XPNPEP1: variants seen among roughly 807,000 people sequenced by gnomAD.
XPNPEP1 encodes xaa-Pro aminopeptidase 1.
Under a neutral mutation model 92.4 loss-of-function variants are expected in XPNPEP1, and 39 were observed. The ratio of observed to expected loss-of-function variants is 0.42; its 90% confidence interval spans 0.33 to 0.55. The LOEUF (loss-of-function observed/expected upper bound fraction) is 0.55. XPNPEP1 is among the 20% of genes least tolerant of loss of function. The pLI, the probability that XPNPEP1 is intolerant of heterozygous loss-of-function variation, is 0.08. For missense variants in XPNPEP1, 654 were observed against 856.1 expected, an observed-to-expected ratio of 0.76 and a Z score of 2.95; for synonymous variants, 307 against 299.4, an observed-to-expected ratio of 1.03 and a Z score of -0.26.
intron 19 of XPNPEP1, 55 bp from the exon 20 acceptor site, chr10:109,868,767 AC>A: frequency 6.6e-7 from 1 of 1,520,454 alleles, no homozygotes; most frequent in Non-Finnish European, 9.1e-7. Flanking sequence ...ATGCTGAAGC[AC>A]CATGAGGTCA....
intron 17 of XPNPEP1, 131 bp downstream of exon 17, chr10:109,871,661 C>A: frequency 2.0e-6 from 2 of 1,021,046 alleles, no homozygotes; most frequent in South Asian, 3.1e-5. Context: ...ACCCCATGAG[C>A]ACCTGGCTGG....
At chr10:109,920,015 A>G (rs1850447647) in intron 1 of XPNPEP1, among the ~76,000 whole-genome samples, 2 of 152,070 alleles carry the variant, frequency 1.3e-5, no homozygotes, top group African/African-American at 4.8e-5. Flanking sequence ...CTGGCAACAG[A>G]GCAAGACTCC....
At position 109,865,232 on chromosome 10, in the gene XPNPEP1, A is replaced by G; in HGVS notation, c.1953T>C (p.Ala651=). 1 of 1,614,070 alleles carries G rather than the reference A, an allele frequency of 6.2e-7. No individual in the cohort carries two copies. Among genetic ancestry groups the G allele is most frequent in the South Asian group, 1.1e-5 (1 of 91,074 alleles). ...KELQKQGRQE[A]LEWLIRETQP... Reference sequence around the variant, plus strand: ...GCGTCTCTCTGATGAGCCACTCGAGAGCTTCCTGGCGGCCCTGTTTCTGCA... The same window carrying G: ...GCGTCTCTCTGATGAGCCACTCGAGGGCTTCCTGGCGGCCCTGTTTCTGCA... The change falls in exon 21 of 21, where the codon GCT becomes GCC. Residue 651 remains alanine (A), a synonymous_variant. Coordinates refer to ENST00000502935, the MANE Select transcript of XPNPEP1 (RefSeq NM_020383.4).
intron 15 of XPNPEP1, among the ~76,000 whole-genome samples, chr10:109,875,186 C>T (rs1847711911): frequency 2.0e-5 from 3 of 152,192 alleles, no homozygotes; most frequent in Admixed American, 2.0e-4. Flanking sequence ...GGCCCTGGGG[C>T]AGCTGAGAGT....
intron 19 of XPNPEP1, among the ~76,000 whole-genome samples, chr10:109,869,444 A>C (rs1735055791): frequency 6.6e-6 from 1 of 152,150 alleles, no homozygotes; most frequent in Admixed American, 6.5e-5. Context: ...TTTGAGGCTG[A>C]CCCATGGATA....
At chr10:109,881,487 G>A (rs1469952051) in intron 10 of XPNPEP1, among the ~76,000 whole-genome samples, 3 of 152,200 alleles carry the variant, frequency 2.0e-5, no homozygotes, top group African/African-American at 7.2e-5. Flanking sequence ...CAGCACACCT[G>A]GCACTTGCAC....
chr10:109,903,721 G>C (rs1849407437), intron 3 of XPNPEP1, among the ~76,000 whole-genome samples: 1 of 152,136 alleles, frequency 6.6e-6, no homozygotes, highest in Non-Finnish European at 1.5e-5. Context: ...AAATGGGGGA[G>C]TGCCCAGCTC....
At position 109,870,915 on chromosome 10, in the gene XPNPEP1, T is replaced by G. The variant is rs367990951; in HGVS notation, c.1523-11A>C. On this transcript the variant is annotated splice_polypyrimidine_tract_variant and intron_variant, in intron 17 of 20. Coordinates refer to ENST00000502935, the MANE Select transcript of XPNPEP1 (RefSeq NM_020383.4). ...AGTCAAGAAGGTGACCTGAAAGACA[T>G]AAAGAGCCACTTAATTGTATTTGTA... The G allele has an allele frequency of 6.2e-7, 1 of 1,611,866 alleles. No individual in the cohort carries two copies. Among genetic ancestry groups the G allele is most frequent in the South Asian group, 1.1e-5 (1 of 90,746 alleles).
chr10:109,883,673 AC>A (rs1848232552), intron 9 of XPNPEP1: 1 of 168,292 alleles, frequency 5.9e-6, no homozygotes. Flanking sequence ...GAAAAAATAA[AC>A]TGACAATTCA....
At chr10:109,918,190 G>A (rs1336943977) in intron 1 of XPNPEP1, among the ~76,000 whole-genome samples, 1 of 151,982 alleles carries the variant, frequency 6.6e-6, no homozygotes, top group African/African-American at 2.4e-5. Context: ...GGGAGGCCAA[G>A]GCAGGCAGAC....
At chr10:109,913,653 C>G (rs547017814) in intron 2 of XPNPEP1, among the ~76,000 whole-genome samples, 1 of 152,142 alleles carries the variant, frequency 6.6e-6, no homozygotes, top group Admixed American at 6.5e-5. Context: ...CATCAGGAAC[C>G]GGGACTCAAG....
chr10:109,893,857 T>C (rs1438719298), intron 3 of XPNPEP1, among the ~76,000 whole-genome samples: 2 of 152,200 alleles, frequency 1.3e-5, no homozygotes, highest in East Asian at 3.8e-4. Flanking sequence ...GATTTGAACC[T>C]AAGCAGTCAA....
chr10:109,912,684 C>T (rs1437347798), intron 2 of XPNPEP1, among the ~76,000 whole-genome samples: 1 of 152,152 alleles, frequency 6.6e-6, no homozygotes. Context: ...AGAAACAGTA[C>T]CTGGCACATA....
rs762338905 is a variant in XPNPEP1, at chr10:109,915,055, T to C, written c.77A>G (p.Glu26Gly). The part of the protein sequence containing the change: ...DFQLRNLRII[E>G]PNEVTHSGDT... ...TCCTGAGTGTGTCACCTCGTTAGGT[T>C]CAATTATTCTTAAATTTCTCAGTTG... The change falls in exon 2 of 21, where the codon GAA becomes GGA. Residue 26 changes from glutamate (E) to glycine (G), a missense_variant. Glu to Gly is a moderately conservative substitution (Grantham distance 98). Coordinates refer to ENST00000502935, the MANE Select transcript of XPNPEP1 (RefSeq NM_020383.4). The C allele has an allele frequency of 5.2e-6, 8 of 1,531,030 alleles. No individual in the cohort carries two copies. The South Asian group carries it at 9.7e-5, about 19-fold the overall frequency. The allele number at this position is 1,531,030 out of a possible 1,614,324, so 94.8% of individuals were successfully genotyped here.
chr10:109,906,191 CACACAG>C (rs1200392706), intron 3 of XPNPEP1, among the ~76,000 whole-genome samples: 2 of 151,392 alleles, frequency 1.3e-5, no homozygotes, highest in African/African-American at 2.4e-5. Context: ...CACAGACACA[CACACAG>C]ACACAGACAC....
intron 3 of XPNPEP1, 159 bp from the exon 4 acceptor site, chr10:109,893,234 T>C (rs1848800729): frequency 1.6e-6 from 1 of 611,040 alleles, no homozygotes; most frequent in Non-Finnish European, 2.9e-6. Flanking sequence ...AACAACAGAT[T>C]AGCACACACT....
In XPNPEP1 at chr10:109,888,549, A is replaced by AAGC. The variant is rs1340041920; in HGVS notation, c.459_461dup (p.Leu154dup). The AAGC allele has an allele frequency of 6.2e-7, 1 of 1,611,878 alleles. No individual in the cohort carries two copies. Among genetic ancestry groups the AAGC allele is most frequent in the Non-Finnish European group, 8.5e-7 (1 of 1,179,014 alleles). On this transcript the variant is annotated inframe_insertion, in exon 6 of 21. Transcript: ENST00000502935. The stretch of plus-strand genomic sequence containing the variant: ...CCACACCAACCCTGGATCCTTCAGG[A>AAGC]AGCACACTCACCAGCCAGTCTTCCT...
intron 12 of XPNPEP1, 157 bp from the exon 13 acceptor site, chr10:109,878,215 A>G: frequency 1.4e-6 from 1 of 708,974 alleles, no homozygotes; most frequent in Non-Finnish European, 2.4e-6. Context: ...GAACTCCCAA[A>G]GGCTCTCACC....
intron 2 of XPNPEP1, among the ~76,000 whole-genome samples, chr10:109,909,341 C>T (rs527699604): frequency 2.6e-5 from 4 of 152,122 alleles, no homozygotes; most frequent in Admixed American, 2.0e-4. Flanking sequence ...TCCCAAGGCT[C>T]CAGGGGAGTC....
Sources: gnomAD v4.1 joint callset for allele counts (sites outside exome capture counted in the v4.1 genomes callset) on GRCh38, gnomAD v4.1.1 for gene constraint, MANE v1.5 for transcripts, NCBI Gene and HGNC (gene_info 2026-07-23, HGNC 2026-07-21) for gene names.